Variants in ZFHX3 observed in about 807,000 individuals in gnomAD.
The protein encoded by ZFHX3 is zinc finger homeobox protein 3.
A neutral mutation model predicts 279.1 loss-of-function variants in ZFHX3; 42 were observed. The ratio of observed to expected loss-of-function variants is 0.15; its 90% CI spans 0.12 to 0.19. The LOEUF (loss-of-function observed/expected upper bound fraction) is 0.19, where lower values mean the gene tolerates loss of function less well. ZFHX3 is among the 10% of genes least tolerant of loss of function. The probability of loss-of-function intolerance (pLI) is 1.00; values close to 1 mark genes in which losing one functional copy is unlikely to be tolerated. For missense variants in ZFHX3, 4,981 were observed against 4,754.0 expected, an observed-to-expected ratio of 1.05 and a Z score of -1.40; for synonymous variants, 2,293 against 1,957.8, an observed-to-expected ratio of 1.17 and a Z score of -4.52.
rs569425024 is a variant in ZFHX3, at chr16:72,957,864, C to A, written c.2282G>T (p.Gly761Val). 5.5e-5 allele frequency: 89 copies of A among 1,614,100 alleles called. No individual in the cohort carries two copies. Among genetic ancestry groups the A allele is most frequent in the South Asian group, 3.4e-4 (31 of 91,092 alleles). Residue 761 changes from glycine (G) to valine (V), a missense_variant, in exon 2 of 10, where the codon GGG becomes GTG. Around this residue, in one of 7 missense-constraint regions of ZFHX3, gnomAD observed 1,751 missense variants for 1,770.0 expected, o/e 0.99. Coordinates refer to ENST00000268489, the MANE Select transcript of ZFHX3 (RefSeq NM_006885.4). Reference protein sequence around the residue: ...LNNMQNLQNGGGEQVFSHTAG... With the variant: ...LNNMQNLQNGVGEQVFSHTAG... ...AGTGTGGCTGAAGACCTGCTCCCCC[C>A]CTCCATTCTGCAGGTTCTGCATGTT...
intron 3 of ZFHX3, among the ~76,000 whole-genome samples, chr16:73,404,066 C>T (rs970744255): frequency 2.0e-5 from 3 of 152,070 alleles, no homozygotes; most frequent in African/African-American, 7.2e-5. Flanking sequence ...ACCAAAAATG[C>T]TTTTTGCACC....
At chr16:72,816,576 G>A (rs555467093) in intron 5 of ZFHX3, among the ~76,000 whole-genome samples, 1 of 152,230 alleles carries the variant, frequency 6.6e-6, no homozygotes, top group Admixed American at 6.5e-5. Flanking sequence ...GTGTTATGGT[G>A]GCCCTACCCA....
At chr16:72,998,822 G>A (rs371138684) in intron 1 of ZFHX3, among the ~76,000 whole-genome samples, 5 of 152,180 alleles carry the variant, frequency 3.3e-5, no homozygotes, top group East Asian at 1.9e-4. Context: ...TAAGCTGCCC[G>A]GGCCTGGAGT....
chr16:73,534,986 G>A lies in ZFHX3; in HGVS notation c.-1546-78728C>T, dbSNP rs535724684. On this transcript the variant is annotated intron_variant, in intron 2 of 17. Transcript: ENST00000641206. Reference sequence around the variant, plus strand: ...GAAGCAGGCCCCATAGCCACCTAGAGGGGATTTGATTAAGCGATGTGATGG... The same window carrying A: ...GAAGCAGGCCCCATAGCCACCTAGAAGGGATTTGATTAAGCGATGTGATGG... Among the ~76,000 whole-genome samples, 3 of 152,152 alleles carry A rather than the reference G, an allele frequency of 2.0e-5. No individual in the cohort carries two copies. The South Asian group carries it at 6.2e-4, about 32-fold the overall frequency.
At chr16:73,418,026 G>A (rs1342440337) in intron 3 of ZFHX3, among the ~76,000 whole-genome samples, 1 of 149,600 alleles carries the variant, frequency 6.7e-6, no homozygotes, top group Non-Finnish European at 1.5e-5. Context: ...AAAAGAAAAG[G>A]CTGTGGGATG....
At chr16:73,789,697 G>A (rs776885536) in intron 1 of ZFHX3, among the ~76,000 whole-genome samples, 1 of 152,088 alleles carries the variant, frequency 6.6e-6, no homozygotes, top group Non-Finnish European at 1.5e-5. Flanking sequence ...ACGTTGCCAG[G>A]CAGCAATTGT....
At chr16:73,121,832 G>T (rs1002926272) in intron 7 of ZFHX3, among the ~76,000 whole-genome samples, 5 of 151,902 alleles carry the variant, frequency 3.3e-5, no homozygotes, top group East Asian at 1.9e-4. Context: ...AGTCCGGATG[G>T]TCTGTATCTC....
At chr16:73,575,883 G>A (rs142671537) in intron 2 of ZFHX3, among the ~76,000 whole-genome samples, 3 of 152,238 alleles carry the variant, frequency 2.0e-5, no homozygotes, top group Non-Finnish European at 4.4e-5. Context: ...AGTTCACACC[G>A]CGATGATTGT....
chr16:73,860,497 A>T (rs545874721), intron 1 of ZFHX3, among the ~76,000 whole-genome samples: 2 of 152,240 alleles, frequency 1.3e-5, no homozygotes, highest in East Asian at 3.9e-4. Flanking sequence ...ATTGTCTGTA[A>T]AGAAAATGAC....
At chr16:73,574,736 C>T (rs1025162556) in intron 2 of ZFHX3, among the ~76,000 whole-genome samples, 9 of 152,162 alleles carry the variant, frequency 5.9e-5, no homozygotes, top group Admixed American at 2.6e-4. Context: ...GGTCCTCGGT[C>T]AAGAGCCACC....
intron 3 of ZFHX3, among the ~76,000 whole-genome samples, chr16:72,927,963 G>A (rs988509472): frequency 1.0e-4 from 14 of 137,566 alleles, no homozygotes; most frequent in African/African-American, 3.1e-4. Context: ...AATTCCTGCT[G>A]AAACCCACGG....
chr16:73,814,698 G>C (rs142113909), intron 1 of ZFHX3, among the ~76,000 whole-genome samples: 1,532 of 151,912 alleles, frequency 0.01, 24 homozygotes, highest in Non-Finnish European at 0.014. Flanking sequence ...CTCCTGAGTA[G>C]CTGGGATTAT....
chr16:72,861,810 T>C (rs1322958522), intron 4 of ZFHX3, among the ~76,000 whole-genome samples: 14 of 151,026 alleles, frequency 9.3e-5, no homozygotes, highest in Non-Finnish European at 1.0e-4. Context: ...AGGTCAGGAG[T>C]TCAAGACCAG....
At chr16:73,795,227 A>C (rs1959956636) in intron 1 of ZFHX3, among the ~76,000 whole-genome samples, 1 of 152,176 alleles carries the variant, frequency 6.6e-6, no homozygotes, top group Admixed American at 6.5e-5. Flanking sequence ...ATGCCAAGAA[A>C]ACTCTCTCCA....
chr16:73,258,357 A>T (rs201911433), intron 4 of ZFHX3, among the ~76,000 whole-genome samples: 1 of 143,790 alleles, frequency 7.0e-6, no homozygotes, highest in African/African-American at 2.5e-5. Flanking sequence ...ATATATATAT[A>T]TTTGTTTTCT....
intron 1 of ZFHX3, among the ~76,000 whole-genome samples, chr16:72,996,317 T>G (rs1208792272): frequency 6.6e-6 from 1 of 152,202 alleles, no homozygotes; most frequent in African/African-American, 2.4e-5. Flanking sequence ...TTCGTTCTTT[T>G]GCTTCTCCTA....
chr16:73,470,162 T>C (rs1044787394), intron 2 of ZFHX3, among the ~76,000 whole-genome samples: 5 of 152,168 alleles, frequency 3.3e-5, no homozygotes, highest in South Asian at 2.1e-4. Context: ...ATACCGCCCA[T>C]CTTGGGAACA....
chr16:73,871,791 A>C (rs2029862687), intron 1 of ZFHX3, among the ~76,000 whole-genome samples: 1 of 152,164 alleles, frequency 6.6e-6, no homozygotes, highest in Non-Finnish European at 1.5e-5. Context: ...TCATAGTGAG[A>C]CCATAGTTAG....
intron 4 of ZFHX3, among the ~76,000 whole-genome samples, chr16:73,301,599 A>G (rs764351633): frequency 1.1e-4 from 16 of 152,208 alleles, no homozygotes; most frequent in Non-Finnish European, 2.2e-4. Flanking sequence ...GTTGAGAACC[A>G]CTGGCCTAGA....
Sources: allele counts gnomAD v4.1 joint callset (sites outside exome capture counted in the v4.1 genomes callset), GRCh38; gene constraint gnomAD v4.1.1; regional missense constraint gnomAD v4.1.1; transcripts MANE v1.5; gene names NCBI Gene and HGNC (gene_info 2026-07-23, HGNC 2026-07-21).